Variants in EVA1C observed in about 807,000 individuals in gnomAD.
EVA1C encodes the protein protein eva-1 homolog C.
EVA1C carries 25 observed loss-of-function variants against 45.4 expected under a neutral mutation model. The ratio of observed to expected loss-of-function variants is 0.55; its 90% CI spans 0.40 to 0.77. The LOEUF is 0.77. Ranked by LOEUF, EVA1C falls within the 30% of genes least tolerant of loss-of-function variation. The pLI is 0.00. For missense variants in EVA1C, 479 were observed against 554.8 expected (o/e 0.86, Z 1.37); for synonymous variants, 190 against 221.2 (o/e 0.86, Z 1.25).
chr21:32,502,351 G>A (rs555199341), intron 6 of EVA1C, among the ~76,000 whole-genome samples: 2 of 152,050 alleles, frequency 1.3e-5, no homozygotes, highest in South Asian at 2.1e-4. Context: ...TCCTCGTCTC[G>A]GCCTCCCAAA....
chr21:32,449,616 T>G (rs1206440753), intron 1 of EVA1C, among the ~76,000 whole-genome samples: 1 of 151,200 alleles, frequency 6.6e-6, no homozygotes, highest in Non-Finnish European at 1.5e-5. Flanking sequence ...TCGTTTTTTG[T>G]TTTTTGTTTT....
chr21:32,433,304 T>C (rs527546337), intron 1 of EVA1C: 2 of 152,304 alleles, frequency 1.3e-5, no homozygotes, highest in Non-Finnish European at 2.9e-5. Flanking sequence ...CCTGTGCGTA[T>C]GTTGGTTGGG....
intron 3 of EVA1C, among the ~76,000 whole-genome samples, chr21:32,459,424 C>T (rs970427971): frequency 1.6e-4 from 24 of 152,360 alleles, no homozygotes; most frequent in African/African-American, 5.8e-4. Flanking sequence ...TCCCTCCAAC[C>T]GCTGAATCTC....
intron 1 of EVA1C, among the ~76,000 whole-genome samples, chr21:32,425,998 C>A (rs2034473652): frequency 6.6e-6 from 1 of 151,942 alleles, no homozygotes; most frequent in Admixed American, 6.6e-5. Context: ...TCTGGAGTCC[C>A]TAGACAGCTC....
At chr21:32,484,010 A>G (rs986125138) in intron 4 of EVA1C, among the ~76,000 whole-genome samples, 7 of 151,298 alleles carry the variant, frequency 4.6e-5, no homozygotes, top group African/African-American at 1.7e-4. Flanking sequence ...ATTTAAATAT[A>G]TTTAAATTGT....
intron 3 of EVA1C, among the ~76,000 whole-genome samples, chr21:32,466,898 C>T (rs549504802): frequency 1.3e-5 from 2 of 151,816 alleles, no homozygotes; most frequent in South Asian, 2.1e-4. Flanking sequence ...TGGGCTCAAG[C>T]GAACCTCCTG....
chr21:32,447,780 A>G (rs2035418399), intron 1 of EVA1C, among the ~76,000 whole-genome samples: 2 of 152,072 alleles, frequency 1.3e-5, no homozygotes. Flanking sequence ...ATCTCAGCTC[A>G]CTGCAACCTC....
chr21:32,438,474 G>T (rs2035047513), intron 1 of EVA1C, among the ~76,000 whole-genome samples: 1 of 113,844 alleles, frequency 8.8e-6, no homozygotes. Context: ...GTGACAGAGT[G>T]AGACTCTGTC....
chr21:32,468,341 C>T (rs1252382443), intron 4 of EVA1C, among the ~76,000 whole-genome samples: 4 of 151,724 alleles, frequency 2.6e-5, no homozygotes, highest in Admixed American at 6.6e-5. Context: ...TATTGCGCTC[C>T]AGCCTGGGTG....
intron 3 of EVA1C, among the ~76,000 whole-genome samples, chr21:32,463,993 G>A (rs535272930): frequency 4.6e-5 from 7 of 152,278 alleles, no homozygotes; most frequent in South Asian, 2.1e-4. Context: ...AAAGGCCATC[G>A]TTCACTCTGG....
intron 4 of EVA1C, among the ~76,000 whole-genome samples, chr21:32,471,919 C>T (rs893868334): frequency 2.0e-5 from 3 of 152,142 alleles, no homozygotes; most frequent in Non-Finnish European, 4.4e-5. Context: ...TGAGCAACCG[C>T]ACTCGGCCTC....
intron 7 of EVA1C, among the ~76,000 whole-genome samples, chr21:32,514,071 A>C (rs1255025876): frequency 6.6e-6 from 1 of 152,182 alleles, no homozygotes; most frequent in East Asian, 1.9e-4. Flanking sequence ...AAGTGATTTA[A>C]AGAATAGGGG....
intron 2 of EVA1C, among the ~76,000 whole-genome samples, chr21:32,454,614 T>C (rs1215457916): frequency 2.0e-5 from 3 of 151,304 alleles, no homozygotes; most frequent in Non-Finnish European, 1.5e-5. Flanking sequence ...TTTTTTTTTA[T>C]GCCTCCCAAG....
intron 1 of EVA1C, among the ~76,000 whole-genome samples, chr21:32,438,372 C>T (rs1456982777): frequency 6.6e-6 from 1 of 150,620 alleles, no homozygotes; most frequent in African/African-American, 2.4e-5. Flanking sequence ...TGGCACATAC[C>T]TGTAGTCCCA....
chr21:32,421,251 T>C (rs1601202700), intron 1 of EVA1C, among the ~76,000 whole-genome samples: 1 of 152,164 alleles, frequency 6.6e-6, no homozygotes, highest in South Asian at 2.1e-4. Context: ...TGCTTGATGG[T>C]CTTGACAACG....
chr21:32,499,807 T>A (rs1325580726), intron 5 of EVA1C, among the ~76,000 whole-genome samples: 1 of 152,218 alleles, frequency 6.6e-6, no homozygotes, highest in East Asian at 1.9e-4. Flanking sequence ...TGCGGCAGTG[T>A]GCTTGGCCTG....
intron 1 of EVA1C, among the ~76,000 whole-genome samples, chr21:32,446,970 TC>T (rs1445285617): frequency 6.6e-6 from 1 of 152,200 alleles, no homozygotes; most frequent in Non-Finnish European, 1.5e-5. Context: ...GGAACTCTGG[TC>T]CCTTGCGCCC....
chr21:32,417,676 T>C (rs2034104065), intron 1 of EVA1C, among the ~76,000 whole-genome samples: 1 of 152,192 alleles, frequency 6.6e-6, no homozygotes, highest in African/African-American at 2.4e-5. Flanking sequence ...GGTAATTCAA[T>C]TGATCCCGGG....
chr21:32,499,949 C>T lies in EVA1C; in HGVS notation c.779-1466C>T, dbSNP rs370151183. Among the ~76,000 whole-genome samples the T allele has an allele frequency of 3.7e-4, 57 of 152,254 alleles. 2 individuals are homozygous for T. The East Asian group carries it at 0.011, about 28-fold the overall frequency. On this transcript the variant is annotated intron_variant, in intron 5 of 7. Transcript: ENST00000300255. ...AGTCTGAAACCACCTTCAGAGGAGTCGGTCACGCTGCCATCCTCTCTGCAT... is the reference window on the plus strand; with the variant it reads ...AGTCTGAAACCACCTTCAGAGGAGTTGGTCACGCTGCCATCCTCTCTGCAT...
Sources: allele counts gnomAD v4.1 joint callset (sites outside exome capture counted in the v4.1 genomes callset), GRCh38; gene constraint gnomAD v4.1.1; transcripts MANE v1.5; gene names NCBI Gene and HGNC (gene_info 2026-07-23, HGNC 2026-07-21).